Variants in ULK1 observed in about 807,000 individuals in gnomAD.
The protein encoded by ULK1 is unc-51 like autophagy activating kinase 1.
ULK1 carries 48 observed loss-of-function variants against 117.5 expected under a neutral mutation model. The ratio of observed to expected loss-of-function variants is 0.41; its 90% confidence interval spans 0.32 to 0.52. ULK1 has a LOEUF of 0.52. Among genes scored for constraint, ULK1 ranks in the 20% least tolerant of loss-of-function variants. ULK1 has a pLI of 0.29. For missense variants in ULK1, 1,387 were observed against 1,473.4 expected, an observed-to-expected ratio of 0.94 and a Z score of 0.96; for synonymous variants, 790 against 637.8, an observed-to-expected ratio of 1.24 and a Z score of -3.60.
intron 14 of ULK1, 60 bp downstream of exon 14, chr12:131,913,318 G>C: frequency 6.8e-7 from 1 of 1,463,076 alleles, no homozygotes; most frequent in Non-Finnish European, 9.1e-7. Context: ...CTTGGAAGTG[G>C]CCCGTGTTAT....
At position 131,895,661 on chromosome 12, in the gene ULK1, A is replaced by G. The variant is rs904650537; in HGVS notation, c.172A>G (p.Thr58Ala). 1 of 1,613,978 alleles carries G rather than the reference A, an allele frequency of 6.2e-7. No homozygotes were observed. The highest frequency in any genetic ancestry group is 8.5e-7 in the Non-Finnish European group (1 of 1,180,006). Residue 58 changes from threonine (T) to alanine (A), a missense_variant, in exon 2 of 28, where the codon ACG becomes GCG. Thr to Ala is a moderately conservative substitution (Grantham distance 58). This residue lies in a region of ULK1 where 224 missense variants were observed against 325.2 expected (regional missense o/e 0.69). Coordinates refer to ENST00000321867, the MANE Select transcript of ULK1 (RefSeq NM_003565.4). ...INKKNLAKSQ[T>A]LLGKEIKILK... ...CAAGAAGAACCTCGCCAAGTCTCAG[A>G]CGCTGCTGGGGAAGGAAATCAAAAT... is the stretch of plus-strand genomic sequence containing the variant.
intron 12 of ULK1, 47 bp from the exon 13 acceptor site, chr12:131,911,895 G>A (rs745448966): frequency 6.2e-7 from 1 of 1,612,420 alleles, no homozygotes; most frequent in Non-Finnish European, 8.5e-7. Context: ...TCCCCTGAGT[G>A]TGTAGGTCCC....
chr12:131,907,977 G>A (rs1889344584), intron 5 of ULK1, among the ~76,000 whole-genome samples: 1 of 151,142 alleles, frequency 6.6e-6, no homozygotes. Context: ...GTGGGGGTCC[G>A]GGCCACAGTG....
At chr12:131,910,894 C>A in intron 12 of ULK1, 94 bp downstream of exon 12, 1 of 1,551,766 alleles carries the variant, frequency 6.4e-7, no homozygotes, top group East Asian at 2.3e-5. Flanking sequence ...GCTGTGACTT[C>A]TGTTGTCTGT....
chr12:131,905,876 G>C (rs1037956605), intron 3 of ULK1, among the ~76,000 whole-genome samples: 3 of 152,144 alleles, frequency 2.0e-5, no homozygotes, highest in African/African-American at 7.2e-5. Flanking sequence ...AAAGGGCGGG[G>C]TACTGGTGGC....
chr12:131,897,566 C>G (rs959251131), intron 3 of ULK1: 1 of 152,018 alleles, frequency 6.6e-6, no homozygotes, highest in African/African-American at 2.4e-5. Context: ...GGCGACTGAG[C>G]GAGGCCCTGT....
intron 21 of ULK1, 48 bp downstream of exon 21, chr12:131,917,110 C>T (rs1555265420): frequency 1.7e-5 from 14 of 802,182 alleles, no homozygotes; most frequent in East Asian, 1.4e-4. Context: ...GGGTCGGAGG[C>T]TGTGGGATGG....
intron 3 of ULK1, among the ~76,000 whole-genome samples, chr12:131,901,039 CT>C (rs1231176159): frequency 5.2e-3 from 748 of 143,428 alleles, no homozygotes; most frequent in Middle Eastern, 7.2e-3. Flanking sequence ...TTGTGTATAT[CT>C]TTTTTTTTTT....
chr12:131,901,157 G>A (rs1401449569), intron 3 of ULK1, among the ~76,000 whole-genome samples: 14 of 151,686 alleles, frequency 9.2e-5, no homozygotes, highest in Non-Finnish European at 1.5e-4. Flanking sequence ...TCAGGAGTTC[G>A]AGACCAGCCT....
In ULK1 at chr12:131,895,581, G is replaced by A; in HGVS notation, c.112-20G>A. The A allele has an allele frequency of 6.2e-7, 1 of 1,611,378 alleles. No homozygotes were observed. The highest frequency in any genetic ancestry group is 8.5e-7 in the Non-Finnish European group (1 of 1,178,136). ...TGCGAGGGGCAGCCCTGGCCTTGAAGGTGCACGTTTGGCTTTCAGAAGCAC... is the reference window on the plus strand; with the variant it reads ...TGCGAGGGGCAGCCCTGGCCTTGAAAGTGCACGTTTGGCTTTCAGAAGCAC... On this transcript the variant is annotated intron_variant, in intron 1 of 27. Transcript: ENST00000321867.
At chr12:131,918,039 C>T (rs548641407) in intron 22 of ULK1, among the ~76,000 whole-genome samples, 1 of 152,282 alleles carries the variant, frequency 6.6e-6, no homozygotes, top group South Asian at 2.1e-4. Context: ...GGCGTCTGGT[C>T]CTGGCCAGGG....
At chr12:131,905,409 C>T (rs1381237681) in intron 3 of ULK1, among the ~76,000 whole-genome samples, 1 of 152,102 alleles carries the variant, frequency 6.6e-6, no homozygotes, top group African/African-American at 2.4e-5. Context: ...GACGCGGCTC[C>T]TGAGGCGCTG....
Position 131,919,362 on chromosome 12 carries a change from A to G in ULK1, c.2662A>G (p.Ser888Gly). 1.5e-6 allele frequency: 2 copies of G among 1,342,978 alleles called. No homozygotes were observed. Among genetic ancestry groups the G allele is most frequent in the Non-Finnish European group, 2.0e-6 (2 of 1,014,244 alleles). 83.2% of individuals were successfully genotyped at this position (1,342,978 alleles called of 1,614,324 possible). ...GGAGAGTGTGGTGGCCGACCAGATC[A>G]GCCTGCTGAGCCGAGAATGGGGGTG... Reference protein sequence around the residue: ...LQESVVADQISLLSREWGFAE... With the variant: ...LQESVVADQIGLLSREWGFAE... The change falls in exon 24 of 28, where the codon AGC (serine) becomes GGC (glycine). Residue 888 changes from serine to glycine, a missense_variant. This residue lies in a region of ULK1 where 900 missense variants were observed against 858.9 expected (regional missense o/e 1.05). Coordinates refer to ENST00000321867, the MANE Select transcript of ULK1 (RefSeq NM_003565.4).
In ULK1 at chr12:131,918,482, G is replaced by A. The variant is rs370726728; in HGVS notation, c.2327-15G>A. ...TGCTGGTCCTGGTGTGCCCCTCATC[G>A]CCCTCTCCCTGCAGCGGGCCCCACT... On this transcript the variant is annotated splice_polypyrimidine_tract_variant and intron_variant, in intron 22 of 27. Transcript: ENST00000321867. 2.0e-5 allele frequency: 32 copies of A among 1,605,620 alleles called. No individual in the cohort carries two copies. The highest frequency in any genetic ancestry group is 1.7e-4 in the Middle Eastern group (1 of 5,966).
At chr12:131,916,843 T>C (rs1593273054) in intron 20 of ULK1, 110 bp from the exon 21 acceptor site, 2 of 1,052,326 alleles carry the variant, frequency 1.9e-6, no homozygotes, top group Admixed American at 6.0e-5. Flanking sequence ...CCTCTCGAGG[T>C]GGGCCAGGAG....
intron 10 of ULK1, 59 bp downstream of exon 10, chr12:131,910,060 A>G (rs1025197693): frequency 6.3e-7 from 1 of 1,597,686 alleles, no homozygotes; most frequent in Non-Finnish European, 8.5e-7. Context: ...GCATTTGCTG[A>G]TGTGAGCAGG....
chr12:131,915,373 C>G lies in ULK1; in HGVS notation c.1561C>G (p.Pro521Ala). The G allele has an allele frequency of 6.2e-7, 1 of 1,612,824 alleles. No individual in the cohort carries two copies. Among genetic ancestry groups the G allele is most frequent in the Non-Finnish European group, 8.5e-7 (1 of 1,179,988 alleles). The change falls in exon 18 of 28, where the codon CCC (proline) becomes GCC (alanine). Residue 521 changes from proline to alanine, a missense_variant. This residue lies in a region of ULK1 where 900 missense variants were observed against 858.9 expected (regional missense o/e 1.05). Coordinates refer to ENST00000321867, the MANE Select transcript of ULK1 (RefSeq NM_003565.4). ...TGAGCGGCCAGGCTGGAGCGGGACG[C>G]CCTCCCCACAGGGAGCTGAGATGCG... is the stretch of plus-strand genomic sequence containing the variant. ...IPERPGWSGTPSPQGAEMRGG... is the reference protein window; with the variant it reads ...IPERPGWSGTASPQGAEMRGG...
Position 131,921,382 on chromosome 12 carries a change from C to G in ULK1, c.*21C>G. ...CCTGACCTTTCTGGCCTGGCTGGGC[C>G]CCCCGTCCTGCCGAGCCCTGCAGAG... On this transcript the variant is annotated 3_prime_UTR_variant, in exon 28 of 28. Transcript: ENST00000321867. The G allele has an allele frequency of 6.2e-7, 1 of 1,601,210 alleles. No homozygotes were observed. The highest frequency in any genetic ancestry group is 8.5e-7 in the Non-Finnish European group (1 of 1,179,872).
chr12:131,917,651 C>T lies in ULK1; in HGVS notation c.2326+97C>T, dbSNP rs1415359777. On this transcript the variant is annotated intron_variant, in intron 22 of 27. Coordinates refer to ENST00000321867, the MANE Select transcript of ULK1 (RefSeq NM_003565.4). The stretch of plus-strand genomic sequence containing the variant: ...TTTAACTCGGGTCACTGGACTACAG[C>T]CCCCCAGAGCCCAGGGGTGCCTGAG... 5.0e-6 allele frequency: 6 copies of T among 1,194,912 alleles called. No homozygotes were observed. The East Asian group carries it at 1.2e-4, about 25-fold the overall frequency. 74.0% of individuals were successfully genotyped at this position (1,194,912 alleles called of 1,614,324 possible). A position where few individuals can be genotyped will look rare whatever the true frequency, so the allele number is the denominator to read the frequency against.
Sources: allele counts gnomAD v4.1 joint callset (sites outside exome capture counted in the v4.1 genomes callset), GRCh38; gene constraint gnomAD v4.1.1; regional missense constraint gnomAD v4.1.1; transcripts MANE v1.5; gene names NCBI Gene and HGNC (gene_info 2026-07-23, HGNC 2026-07-21).